Variants in RNF180 observed in about 807,000 individuals in gnomAD.
RNF180 encodes ring finger protein 180.
A neutral mutation model predicts 59.2 loss-of-function variants in RNF180; 38 were observed. The observed-to-expected ratio is 0.64, with a 90% CI of 0.50 to 0.84. The LOEUF (loss-of-function observed/expected upper bound fraction) is 0.84. RNF180 is among the 40% of genes least tolerant of loss of function. The probability of loss-of-function intolerance (pLI) is 0.00; values close to 1 mark genes in which losing one functional copy is unlikely to be tolerated. For missense variants in RNF180, 705 were observed against 700.9 expected (o/e 1.01, Z -0.07); for synonymous variants, 262 against 240.3 (o/e 1.09, Z -0.84).
At chr5:64,325,544 T>C in intron 6 of RNF180, 133 bp downstream of exon 6, 1 of 678,198 alleles carries the variant, frequency 1.5e-6, no homozygotes. Context: ...TATAAAACAG[T>C]ACTTACCCAA....
Position 64,213,795 on chromosome 5 carries a change from G to A in RNF180, c.469G>A (p.Gly157Ser), listed in dbSNP as rs958040902. Residue 157 changes from glycine (G) to serine (S), a missense_variant, in exon 4 of 8, where the codon GGC (glycine) becomes AGC (serine). Physicochemically the swap from Gly to Ser is moderately conservative, Grantham distance 56 (BLOSUM62 0). Coordinates refer to ENST00000389100, the MANE Select transcript of RNF180 (RefSeq NM_001113561.2). The part of the protein sequence containing the change: ...CDKEALLTGG[G>S]SENRNHRLLN... Reference sequence around the variant, plus strand: ...CAAGGAAGCTCTGCTGACAGGTGGTGGCTCTGAAAACAGAAATCACAGGCT... The same window carrying A: ...CAAGGAAGCTCTGCTGACAGGTGGTAGCTCTGAAAACAGAAATCACAGGCT... The A allele has an allele frequency of 1.2e-6, 2 of 1,614,008 alleles. No homozygotes were observed. Among genetic ancestry groups the A allele is most frequent in the Non-Finnish European group, 1.7e-6 (2 of 1,180,028 alleles).
intron 5 of RNF180, among the ~76,000 whole-genome samples, chr5:64,277,784 C>A (rs531566691): frequency 1.3e-5 from 2 of 152,266 alleles, no homozygotes; most frequent in South Asian, 2.1e-4. Context: ...ATAGTGTCAG[C>A]TCCTTCTTCT....
At chr5:64,280,138 T>C (rs1278364263) in intron 5 of RNF180, among the ~76,000 whole-genome samples, 5 of 152,240 alleles carry the variant, frequency 3.3e-5, no homozygotes, top group African/African-American at 1.2e-4. Flanking sequence ...TTGACAAGTG[T>C]CTGTTCATGT....
intron 7 of RNF180, among the ~76,000 whole-genome samples, chr5:64,343,303 A>C: frequency 6.6e-6 from 1 of 152,224 alleles, no homozygotes; most frequent in Middle Eastern, 3.4e-3. Flanking sequence ...AAAGAATAAA[A>C]CAGTCTGGGA....
At chr5:64,200,264 C>T (rs1429610328) in intron 1 of RNF180, among the ~76,000 whole-genome samples, 1 of 151,912 alleles carries the variant, frequency 6.6e-6, no homozygotes, top group African/African-American at 2.4e-5. Context: ...AAGACCCTGT[C>T]TCTACAGAAA....
At chr5:64,200,601 A>G (rs934240113) in intron 1 of RNF180, among the ~76,000 whole-genome samples, 1 of 152,230 alleles carries the variant, frequency 6.6e-6, no homozygotes, top group Non-Finnish European at 1.5e-5. Context: ...CATTAACATA[A>G]TGTATCATCA....
chr5:64,340,355 ACAAT>A (rs1290035474), intron 7 of RNF180, among the ~76,000 whole-genome samples: 2 of 152,334 alleles, frequency 1.3e-5, no homozygotes, highest in African/African-American at 2.4e-5. Flanking sequence ...TATATTTATG[ACAAT>A]CCATCCATTT....
chr5:64,335,149 TA>T, intron 7 of RNF180, among the ~76,000 whole-genome samples: 1 of 152,338 alleles, frequency 6.6e-6, no homozygotes, highest in East Asian at 1.9e-4. Context: ...TATTGATCAT[TA>T]AATTTCTTCA....
At chr5:64,339,785 A>G (rs1322161785) in intron 7 of RNF180, among the ~76,000 whole-genome samples, 2 of 152,180 alleles carry the variant, frequency 1.3e-5, no homozygotes, top group Non-Finnish European at 2.9e-5. Context: ...GAACTCAGGC[A>G]TAAAACTAGC....
intron 1 of RNF180, among the ~76,000 whole-genome samples, chr5:64,189,820 A>G (rs1427789598): frequency 3.9e-5 from 6 of 152,174 alleles, no homozygotes; most frequent in Admixed American, 3.3e-4. Context: ...ATAGCAGCAG[A>G]GATACTGCCA....
chr5:64,354,857 C>G (rs1004125399), intron 7 of RNF180, among the ~76,000 whole-genome samples: 2 of 151,734 alleles, frequency 1.3e-5, no homozygotes, highest in Admixed American at 1.3e-4. Flanking sequence ...GAAAAGCATT[C>G]GACAAAATCT....
chr5:64,207,990 A>T (rs1291241173), intron 2 of RNF180, among the ~76,000 whole-genome samples: 1 of 152,064 alleles, frequency 6.6e-6, no homozygotes, highest in Non-Finnish European at 1.5e-5. Context: ...CCAAAATATT[A>T]TGTAATAATA....
intron 7 of RNF180, among the ~76,000 whole-genome samples, chr5:64,347,053 C>A (rs1745586952): frequency 6.6e-6 from 1 of 152,166 alleles, no homozygotes; most frequent in African/African-American, 2.4e-5. Context: ...TTAACTCTGG[C>A]ATATAATGAT....
intron 7 of RNF180, among the ~76,000 whole-genome samples, chr5:64,340,591 A>G (rs1745317904): frequency 6.6e-6 from 1 of 152,214 alleles, no homozygotes; most frequent in Admixed American, 6.5e-5. Flanking sequence ...AGTCAGAGAA[A>G]ATTTAAAATA....
At chr5:64,171,386 A>C (rs6867163) in intron 1 of RNF180, among the ~76,000 whole-genome samples, 1 of 152,196 alleles carries the variant, frequency 6.6e-6, no homozygotes, top group Non-Finnish European at 1.5e-5. Context: ...TTTGTTTTAC[A>C]GTAAGGGCAT....
chr5:64,177,141 A>T (rs938754917), intron 1 of RNF180, among the ~76,000 whole-genome samples: 1 of 152,194 alleles, frequency 6.6e-6, no homozygotes, highest in Non-Finnish European at 1.5e-5. Context: ...GTATAGCTAC[A>T]CGTGTCTGAC....
At chr5:64,366,735 G>A (rs1746463667) in intron 7 of RNF180, among the ~76,000 whole-genome samples, 1 of 151,664 alleles carries the variant, frequency 6.6e-6, no homozygotes, top group African/African-American at 2.4e-5. Context: ...TGACATATGG[G>A]ACACCATAAA....
At chr5:64,365,926 G>C (rs573024988) in intron 7 of RNF180, among the ~76,000 whole-genome samples, 1 of 151,410 alleles carries the variant, frequency 6.6e-6, no homozygotes, top group African/African-American at 2.4e-5. Flanking sequence ...TCTTTATACA[G>C]CTTGCCAAGC....
chr5:64,192,925 A>ATATATATATATATAAATATAAATAT (rs1379790944), intron 1 of RNF180, among the ~76,000 whole-genome samples: 1 of 141,196 alleles, frequency 7.1e-6, no homozygotes, highest in Non-Finnish European at 1.5e-5. Context: ...ATATATATAT[A>ATATATATATATATAAATATAAATAT]TATATATATA....
Sources: gnomAD v4.1 joint callset for allele counts (sites outside exome capture counted in the v4.1 genomes callset) on GRCh38, gnomAD v4.1.1 for gene constraint, MANE v1.5 for transcripts, NCBI Gene and HGNC (gene_info 2026-07-23, HGNC 2026-07-21) for gene names.